PFKFB3: variants seen among roughly 807,000 people sequenced by gnomAD.
The protein encoded by PFKFB3 is 6-phosphofructo-2-kinase/fructose-2,6-bisphosphatase 3.
In PFKFB3, 33 loss-of-function variants were observed where a neutral mutation model predicts 68.0. The observed-to-expected ratio is 0.49, with a 90% CI of 0.37 to 0.65. The LOEUF (loss-of-function observed/expected upper bound fraction) is 0.65, where lower values mean the gene tolerates loss of function less well. PFKFB3 is among the 30% of genes least tolerant of loss of function. The probability of loss-of-function intolerance (pLI) is 0.00; values close to 1 mark genes in which losing one functional copy is unlikely to be tolerated. For synonymous variants in PFKFB3, 315 were observed against 288.2 expected (o/e 1.09, Z -0.94); for missense variants, 586 against 712.2 (o/e 0.82, Z 2.02).
At chr10:6,297,122 A>G in the PFKFB3 span, among the ~76,000 whole-genome samples, 1,036 of 152,344 alleles carry the variant, frequency 6.8e-3, 35 homozygotes, top group Admixed American at 0.044. Flanking sequence ...GTAACCAGGA[A>G]GTGGAATATT....
chr10:6,225,198 A>G (rs1405070413), intron 13 of PFKFB3: 1 of 456,268 alleles, frequency 2.2e-6, no homozygotes, highest in Non-Finnish European at 4.4e-6. Flanking sequence ...TACTAGTCAG[A>G]CCTTTCTCTT....
At chr10:6,294,547 G>A in the PFKFB3 span, 6 of 176,344 alleles carry the variant, frequency 3.4e-5, no homozygotes, top group Middle Eastern at 2.7e-3. Flanking sequence ...ACCTCCCACC[G>A]GGTCCCTCCC....
intron 1 of PFKFB3, among the ~76,000 whole-genome samples, chr10:6,167,559 T>C (rs1842180711): frequency 6.6e-6 from 1 of 152,244 alleles, no homozygotes; most frequent in Non-Finnish European, 1.5e-5. Flanking sequence ...GTGGAATGTG[T>C]ATAAAGAGAC....
chr10:6,240,406 A>G (rs528355472), downstream of PFKFB3, among the ~76,000 whole-genome samples: 1 of 152,040 alleles, frequency 6.6e-6, no homozygotes. Flanking sequence ...GTGGGATTAC[A>G]GGTGCCCGCC....
At chr10:6,272,152 AC>A in the PFKFB3 span, among the ~76,000 whole-genome samples, 1 of 152,078 alleles carries the variant, frequency 6.6e-6, no homozygotes, top group Non-Finnish European at 1.5e-5. Flanking sequence ...AGTGCAAAGC[AC>A]CCCGAGTTCA....
At chr10:6,311,495 G>GTAAT in the PFKFB3 span, among the ~76,000 whole-genome samples, 9 of 141,738 alleles carry the variant, frequency 6.3e-5, no homozygotes, top group Non-Finnish European at 1.1e-4. Context: ...GGCTCTCTGG[G>GTAAT]CCCAGCACTC....
rs189624859 is a variant in PFKFB3, at chr10:6,190,621, G to A, written c.17-23002G>A. On this transcript the variant is annotated intron_variant, in intron 1 of 14. Transcript: ENST00000379789. ...ATTTGAAACCAACCTGGGCAACATC[G>A]TGAGACCCCATCCCTACAAAAAAAC... is the stretch of plus-strand genomic sequence containing the variant. Among the ~76,000 whole-genome samples, 12 of 152,236 alleles carry A rather than the reference G, an allele frequency of 7.9e-5. No individual in the cohort carries two copies. In the East Asian group the frequency reaches 1.5e-3, roughly 20 times the overall value.
intron 1 of PFKFB3, among the ~76,000 whole-genome samples, chr10:6,158,278 A>G (rs1730722950): frequency 6.6e-6 from 1 of 151,998 alleles, no homozygotes; most frequent in Admixed American, 6.6e-5. Context: ...GGACAGAGCA[A>G]GACTCCATCT....
chr10:6,199,196 C>T (rs1843253400), upstream of PFKFB3, among the ~76,000 whole-genome samples: 2 of 152,198 alleles, frequency 1.3e-5, no homozygotes, highest in African/African-American at 4.8e-5. Flanking sequence ...TCTGATTGCT[C>T]CCAGACTACC....
the PFKFB3 span, among the ~76,000 whole-genome samples, chr10:6,302,772 A>ACG: frequency 5.6e-4 from 81 of 143,930 alleles, no homozygotes; most frequent in African/African-American, 2.0e-3. Context: ...ACACACACAC[A>ACG]CACACACATA....
In PFKFB3 at chr10:6,215,360, G is replaced by A. The variant is rs764498780; in HGVS notation, c.299+43G>A. ...GCGTAGGGCTGGGCTGTGGGAATAAGGCTGGGCCGCGGGCATAAGGCTGGG... is the reference window on the plus strand; with the variant it reads ...GCGTAGGGCTGGGCTGTGGGAATAAAGCTGGGCCGCGGGCATAAGGCTGGG... On this transcript the variant is annotated intron_variant, in intron 3 of 14. Coordinates refer to ENST00000379775, the MANE Select transcript of PFKFB3 (RefSeq NM_004566.4). This position sits in a 1 kb window ranked among gnomAD's most constrained non-coding sequence, Gnocchi z 4.3. 1.7e-5 allele frequency: 25 copies of A among 1,494,284 alleles called. No individual in the cohort carries two copies. In the South Asian group the frequency reaches 2.8e-4, roughly 17 times the overall value. The allele number at this position is 1,494,284 out of a possible 1,614,324, so 92.6% of individuals were successfully genotyped here.
At chr10:6,189,615 A>T (rs1384362377) in intron 1 of PFKFB3, among the ~76,000 whole-genome samples, 2 of 151,260 alleles carry the variant, frequency 1.3e-5, no homozygotes, top group Non-Finnish European at 2.9e-5. Context: ...CCCAGGTTCA[A>T]GCGATTCTCC....
the PFKFB3 span, among the ~76,000 whole-genome samples, chr10:6,326,020 C>A: frequency 1.3e-5 from 2 of 152,170 alleles, no homozygotes; most frequent in Non-Finnish European, 2.9e-5. Flanking sequence ...ATAATAAAAA[C>A]ATTTACAAAT....
Position 6,220,907 on chromosome 10 carries a change from C to G in PFKFB3, c.831+42C>G, listed in dbSNP as rs373961870. On this transcript the variant is annotated intron_variant, in intron 8 of 14. Coordinates refer to ENST00000379775, the MANE Select transcript of PFKFB3 (RefSeq NM_004566.4). The surrounding 1 kb of genome is among the most constrained non-coding windows in gnomAD (Gnocchi z 4.1). ...CGCATGGGCCGTTCTGGCTGTAGGGCGGTTGCAGGGTCTATAGGGTGGGTG... is the reference window on the plus strand; with the variant it reads ...CGCATGGGCCGTTCTGGCTGTAGGGGGGTTGCAGGGTCTATAGGGTGGGTG... The G allele has an allele frequency of 2.0e-6, 3 of 1,537,352 alleles. No individual in the cohort carries two copies. The highest frequency in any genetic ancestry group is 2.7e-6 in the Non-Finnish European group (3 of 1,120,466).
chr10:6,201,604 C>T (rs1005647345), upstream of PFKFB3, among the ~76,000 whole-genome samples: 2 of 151,242 alleles, frequency 1.3e-5, no homozygotes, highest in Non-Finnish European at 1.5e-5. The surrounding 1 kb of genome is among the most constrained non-coding windows in gnomAD (Gnocchi z 4.1). Context: ...GCCCCGGTCG[C>T]CGCCTGGGCG....
At position 6,206,799 on chromosome 10, in the gene PFKFB3, C is replaced by T. The variant is rs1420010287; in HGVS notation, c.76+3463C>T. 1.1e-4 allele frequency among the ~76,000 whole-genome samples: 9 copies of T among 79,798 alleles called. 1 individual carries two copies. The highest frequency in any genetic ancestry group is 5.1e-4 in the South Asian group (1 of 1,942). 52.4% of individuals were successfully genotyped at this position (79,798 alleles called of 152,430 possible). A position where few individuals can be genotyped will look rare whatever the true frequency, so the allele number is the denominator to read the frequency against. On this transcript the variant is annotated intron_variant, in intron 1 of 14. Coordinates refer to ENST00000379775, the MANE Select transcript of PFKFB3 (RefSeq NM_004566.4). Reference sequence around the variant, plus strand: ...GCAGAGGGGGTCCTCACATCCCAGACGATGGGCGGCCGGGCAGAGACGCTC... The same window carrying T: ...GCAGAGGGGGTCCTCACATCCCAGATGATGGGCGGCCGGGCAGAGACGCTC...
the PFKFB3 span, among the ~76,000 whole-genome samples, chr10:6,272,026 G>A: frequency 6.6e-6 from 1 of 152,218 alleles, no homozygotes; most frequent in Non-Finnish European, 1.5e-5. Flanking sequence ...ACCAGAGGGT[G>A]GGATAGACAG....
chr10:6,251,607 T>C (rs1336241194), intron 14 of PFKFB3, among the ~76,000 whole-genome samples: 1 of 151,968 alleles, frequency 6.6e-6, no homozygotes, highest in Non-Finnish European at 1.5e-5. Context: ...GCAGGAAAAG[T>C]TAAATTTAGG....
At chr10:6,262,335 T>C in the PFKFB3 span, among the ~76,000 whole-genome samples, 2 of 138,396 alleles carry the variant, frequency 1.4e-5, no homozygotes, top group Admixed American at 7.3e-5. Flanking sequence ...GTGCCTGTAG[T>C]CCCAGCTGCT....
Sources: allele counts gnomAD v4.1 joint callset (sites outside exome capture counted in the v4.1 genomes callset), GRCh38; gene constraint gnomAD v4.1.1; non-coding constraint Gnocchi (gnomAD v3.1); transcripts MANE v1.5; gene names NCBI Gene and HGNC (gene_info 2026-07-23, HGNC 2026-07-21).